MDFIC: variants seen among roughly 807,000 people sequenced by gnomAD.
MDFIC encodes the protein myoD family inhibitor domain-containing protein.
In MDFIC, 17 loss-of-function variants were observed where a neutral mutation model predicts 23.2. The observed-to-expected ratio is 0.73, with a 90% CI of 0.50 to 1.10. The LOEUF (loss-of-function observed/expected upper bound fraction) is 1.10, where lower values mean the gene tolerates loss of function less well. Ranked by LOEUF, MDFIC falls within the 50% of genes least tolerant of loss-of-function variation. The probability of loss-of-function intolerance (pLI) is 0.00; values close to 1 mark genes in which losing one functional copy is unlikely to be tolerated. For missense variants in MDFIC, 356 were observed against 316.6 expected (o/e 1.12, Z -0.95); for synonymous variants, 120 against 115.2 (o/e 1.04, Z -0.27).
intron 2 of MDFIC, among the ~76,000 whole-genome samples, chr7:114,939,875 C>G (rs1414287819): frequency 6.6e-6 from 1 of 152,180 alleles, no homozygotes; most frequent in Non-Finnish European, 1.5e-5. Flanking sequence ...CTAATTGAAT[C>G]AAGCCTACTA....
At position 114,979,709 on chromosome 7, in the gene MDFIC, G is replaced by A; in HGVS notation, c.421G>A (p.Val141Ile). The A allele has an allele frequency of 1.2e-6, 2 of 1,614,094 alleles. No individual in the cohort carries two copies. The highest frequency in any genetic ancestry group is 8.5e-7 in the Non-Finnish European group (1 of 1,179,988). ...TAGAAAAATTCAGTCCAGCTTGTCT[G>A]TAAACAGCGATATCAGTAAGAAGAG... ...MHRKIQSSLS[V>I]NSDISKKSKV... is the part of the protein sequence containing the mutation. The change falls in exon 4 of 5, where the codon GTA becomes ATA. Residue 141 changes from valine (V) to isoleucine (I), a missense_variant. Coordinates refer to ENST00000393486, the MANE Select transcript of MDFIC (RefSeq NM_001166345.3).
intron 3 of MDFIC, among the ~76,000 whole-genome samples, chr7:114,947,271 A>G (rs1792665686): frequency 6.6e-6 from 1 of 152,136 alleles, no homozygotes; most frequent in African/African-American, 2.4e-5. Context: ...TTGGAAGCAA[A>G]TAATTCTGAC....
chr7:114,930,035 GC>G (rs772639683), intron 2 of MDFIC, among the ~76,000 whole-genome samples: 1 of 152,192 alleles, frequency 6.6e-6, no homozygotes, highest in Admixed American at 6.5e-5. Flanking sequence ...TTTTCTGAGA[GC>G]AAAGGAGGTT....
Position 114,979,627 on chromosome 7 carries a change from C to T in MDFIC, c.339C>T (p.Ala113=). The T allele has an allele frequency of 6.2e-7, 1 of 1,613,990 alleles. No individual in the cohort carries two copies. Among genetic ancestry groups the T allele is most frequent in the South Asian group, 1.1e-5 (1 of 91,082 alleles). ...ATGGAAATGGAATTCACCACGGGGCCAAACACGGATCCGCAGATAATCGCA... is the reference window on the plus strand; with the variant it reads ...ATGGAAATGGAATTCACCACGGGGCTAAACACGGATCCGCAGATAATCGCA... ...LSNGNGIHHG[A]KHGSADNRKL... The change falls in exon 4 of 5, where the codon GCC becomes GCT. Residue 113 remains alanine (A), a synonymous_variant. Transcript: ENST00000393486.
intron 2 of MDFIC, among the ~76,000 whole-genome samples, chr7:114,924,119 C>T (rs1446364345): frequency 6.6e-6 from 1 of 152,184 alleles, no homozygotes; most frequent in Non-Finnish European, 1.5e-5. Context: ...GGCTGTTAAA[C>T]TGAATTACAT....
chr7:114,930,162 A>AG (rs1343432343), intron 2 of MDFIC, among the ~76,000 whole-genome samples: 4 of 152,326 alleles, frequency 2.6e-5, no homozygotes, highest in Admixed American at 2.0e-4. Flanking sequence ...GAAATTAACT[A>AG]GGACTGAATG....
At chr7:114,923,397 T>A in intron 2 of MDFIC, 1 of 1,463,686 alleles carries the variant, frequency 6.8e-7, no homozygotes, top group Non-Finnish European at 9.2e-7. Flanking sequence ...GCTTCTTTCT[T>A]AAGCATATGC....
At chr7:115,014,423 G>A (rs1186600414) in intron 4 of MDFIC, 2 of 1,289,380 alleles carry the variant, frequency 1.6e-6, no homozygotes, top group Admixed American at 2.3e-5. Context: ...TGGCTGCCAA[G>A]CAACAAGCTG....
At chr7:114,979,481 T>C in intron 3 of MDFIC, 25 bp from the exon 4 acceptor site, 1 of 1,566,542 alleles carries the variant, frequency 6.4e-7, no homozygotes, top group Non-Finnish European at 8.6e-7. Flanking sequence ...TTTAACTGGC[T>C]GACTTTTTCC....
chr7:114,954,322 T>A (rs2115829636), intron 3 of MDFIC, among the ~76,000 whole-genome samples: 1 of 152,374 alleles, frequency 6.6e-6, no homozygotes, highest in Middle Eastern at 3.4e-3. Context: ...TTCACCTGAC[T>A]GTTTTCATGG....
At chr7:115,014,285 G>A (rs1791746896) in intron 4 of MDFIC, 1 of 985,354 alleles carries the variant, frequency 1.0e-6, no homozygotes, top group South Asian at 4.7e-5. Flanking sequence ...TAGGTACCCT[G>A]GTGTTTGTTT....
In MDFIC at chr7:115,015,733, T is replaced by C. The variant is rs1791781669; in HGVS notation, c.539T>C (p.Leu180Pro). The change falls in exon 5 of 5, where the codon CTG (leucine) becomes CCG (proline). Residue 180 changes from leucine (L) to proline (P), a missense_variant. Coordinates refer to ENST00000393486, the MANE Select transcript of MDFIC (RefSeq NM_001166345.3). ...CTGGCTTGCTTGTTCTGCGAATTCC[T>C]GACCCTTTGCAACATTGTCCTGGGA... ...CILACLFCEF[L>P]TLCNIVLGQA... 1 of 1,614,232 alleles carries C rather than the reference T, an allele frequency of 6.2e-7. No individual in the cohort carries two copies. Among genetic ancestry groups the C allele is most frequent in the African/African-American group, 1.3e-5 (1 of 75,070 alleles).
At chr7:114,983,049 C>T (rs1793444951) in intron 4 of MDFIC, among the ~76,000 whole-genome samples, 2 of 152,296 alleles carry the variant, frequency 1.3e-5, no homozygotes, top group African/African-American at 4.8e-5. Flanking sequence ...ATTTCAACAT[C>T]TGAGTTTTGT....
chr7:114,922,987 G>A lies in MDFIC; in HGVS notation c.-47G>A, dbSNP rs745813167. ...CCTTCCTCCGTGCGCCCTGCCGGGC[G>A]GCGAGCTAGGCGGCAGCGGCGCGGC... On this transcript the variant is annotated 5_prime_UTR_variant, in exon 2 of 5. Transcript: ENST00000393486. The A allele has an allele frequency of 1.5e-4, 222 of 1,530,468 alleles. No individual in the cohort carries two copies. The highest frequency in any genetic ancestry group is 1.8e-4 in the Non-Finnish European group (206 of 1,140,020). 94.8% of individuals were successfully genotyped at this position (1,530,468 alleles called of 1,614,324 possible). A position where few individuals can be genotyped will look rare whatever the true frequency, so the allele number is the denominator to read the frequency against.
At chr7:114,938,365 C>T (rs1044554190) in intron 2 of MDFIC, among the ~76,000 whole-genome samples, 9 of 152,116 alleles carry the variant, frequency 5.9e-5, no homozygotes, top group African/African-American at 2.2e-4. Flanking sequence ...AATACTGTGA[C>T]AAGGGGATGA....
intron 2 of MDFIC, among the ~76,000 whole-genome samples, chr7:114,930,147 A>C (rs1792281760): frequency 6.6e-6 from 1 of 152,234 alleles, no homozygotes; most frequent in East Asian, 1.9e-4. Flanking sequence ...GCTGGGTAAC[A>C]CAAAGAAATT....
At chr7:114,940,770 C>T (rs1039005077) in intron 2 of MDFIC, among the ~76,000 whole-genome samples, 1 of 152,132 alleles carries the variant, frequency 6.6e-6, no homozygotes, top group African/African-American at 2.4e-5. Context: ...ATCTACTATG[C>T]AAAAATATAT....
chr7:114,975,049 A>G (rs1793282748), intron 3 of MDFIC, among the ~76,000 whole-genome samples: 1 of 152,090 alleles, frequency 6.6e-6, no homozygotes, highest in Non-Finnish European at 1.5e-5. Flanking sequence ...CTGAATATCA[A>G]GAATACTTTT....
chr7:115,011,950 A>T (rs1057376651), intron 4 of MDFIC, among the ~76,000 whole-genome samples: 1 of 152,230 alleles, frequency 6.6e-6, no homozygotes, highest in Non-Finnish European at 1.5e-5. Context: ...TCATTCTGCT[A>T]TCAAATCTTA....
Sources: allele counts gnomAD v4.1 joint callset (sites outside exome capture counted in the v4.1 genomes callset), GRCh38; gene constraint gnomAD v4.1.1; transcripts MANE v1.5; gene names NCBI Gene and HGNC (gene_info 2026-07-23, HGNC 2026-07-21).